USP26: variants seen among roughly 807,000 people sequenced by gnomAD.
USP26 encodes the protein ubiquitin carboxyl-terminal hydrolase 26.
For missense variants in USP26, 649 were observed against 642.3 expected, an observed-to-expected ratio of 1.01 and a Z score of -0.11; for synonymous variants, 236 against 240.6, an observed-to-expected ratio of 0.98 and a Z score of 0.18.
Position 133,026,396 on chromosome X carries a change from C to G in USP26, c.1825G>C (p.Glu609Gln), listed in dbSNP as rs973721967. 2.5e-6 allele frequency: 3 copies of G among 1,206,452 alleles called. No homozygotes were observed. Among genetic ancestry groups the G allele is most frequent in the Admixed American group, 2.2e-5 (1 of 45,172 alleles). The stretch of plus-strand genomic sequence containing the variant: ...AAGACTGTCTGGCCTTTTTTTTGTT[C>G]AGACTCCTTATCTGATCCAATGTGT... ...APHIGSDKES[E>Q]QKKGQTVFKG... The change falls in exon 6 of 6, where the codon GAA becomes CAA. Residue 609 changes from glutamate (E) to glutamine (Q), a missense_variant. Physicochemically the swap from Glu to Gln is conservative, Grantham distance 29. Coordinates refer to ENST00000511190, the MANE Select transcript of USP26 (RefSeq NM_031907.3).
At chrX:133,031,783 G>T (rs748630628) in intron 5 of USP26, among the ~76,000 whole-genome samples, 2 of 111,812 alleles carry the variant, frequency 1.8e-5, no homozygotes, top group South Asian at 7.5e-4. Context: ...TTCTAGCAGG[G>T]GGATAGAAAA....
intron 5 of USP26, among the ~76,000 whole-genome samples, chrX:133,062,954 C>T (rs923636070): frequency 3.6e-5 from 4 of 110,798 alleles, no homozygotes; most frequent in Non-Finnish European, 7.6e-5. Flanking sequence ...TGTGTTCTAA[C>T]CCAATGCAAG....
chrX:133,052,364 G>A (rs1407790882), intron 5 of USP26, among the ~76,000 whole-genome samples: 2 of 112,288 alleles, frequency 1.8e-5, no homozygotes, highest in South Asian at 3.7e-4. Flanking sequence ...TGGCATTTAA[G>A]TGGGTCTCAA....
chrX:133,088,200 A>C (rs1024830730), intron 4 of USP26, among the ~76,000 whole-genome samples: 1 of 110,763 alleles, frequency 9.0e-6, no homozygotes, highest in Non-Finnish European at 1.9e-5. Flanking sequence ...GTAGCCATTG[A>C]CAGAGTAGAC....
At chrX:133,050,619 C>A (rs191274396) in intron 5 of USP26, among the ~76,000 whole-genome samples, 105 of 111,274 alleles carry the variant, frequency 9.4e-4, no homozygotes, top group African/African-American at 3.3e-3. Flanking sequence ...AAAAAAGAAG[C>A]AATAATATTA....
intron 5 of USP26, among the ~76,000 whole-genome samples, chrX:133,079,187 C>A (rs1362974626): frequency 9.0e-6 from 1 of 111,718 alleles, no homozygotes; most frequent in Non-Finnish European, 1.9e-5. Flanking sequence ...GTGCATGCCC[C>A]TCCATCATGC....
At chrX:133,061,671 C>T (rs1452266018) in intron 5 of USP26, among the ~76,000 whole-genome samples, 1 of 111,913 alleles carries the variant, frequency 8.9e-6, no homozygotes. Flanking sequence ...CAGGGTGGGA[C>T]ATCACCTCAC....
intron 5 of USP26, among the ~76,000 whole-genome samples, chrX:133,035,181 G>C (rs1003658959): frequency 8.9e-6 from 1 of 111,993 alleles, no homozygotes; most frequent in Non-Finnish European, 1.9e-5. Context: ...ATGGCAAAAG[G>C]AGGCAAAAGT....
At chrX:133,078,841 A>ACAGGAAGGAACAAATGCAAATAACTG (rs1311470389) in intron 5 of USP26, among the ~76,000 whole-genome samples, 1 of 112,151 alleles carries the variant, frequency 8.9e-6, no homozygotes, top group East Asian at 2.8e-4. Flanking sequence ...TAACTCTTGC[A>ACAGGAAGGAACAAATGCAAATAACTG]CAGGAAGGAA....
In USP26 at chrX:133,027,090, G is replaced by A; in HGVS notation, c.1131C>T (p.Gly377=). The A allele has an allele frequency of 8.3e-7, 1 of 1,210,074 alleles. No individual in the cohort carries two copies. The highest frequency in any genetic ancestry group is 1.1e-6 in the Non-Finnish European group (1 of 894,134). Reference sequence around the variant, plus strand: ...ACTCATGAGCATCGTTCTGTGCATTGCCATGGAATATCTCTGCAGCTGCTG... The same window carrying A: ...ACTCATGAGCATCGTTCTGTGCATTACCATGGAATATCTCTGCAGCTGCTG... ...AISAAAEIFH[G]NAQNDAHEFL... is the part of the protein sequence containing the mutation. The change falls in exon 6 of 6, where the codon GGC becomes GGT. Residue 377 remains glycine (G), a synonymous_variant. Coordinates refer to ENST00000511190, the MANE Select transcript of USP26 (RefSeq NM_031907.3).
At chrX:133,031,206 G>A (rs1172111047) in intron 5 of USP26, among the ~76,000 whole-genome samples, 1 of 112,122 alleles carries the variant, frequency 8.9e-6, no homozygotes, top group African/African-American at 3.2e-5. Context: ...CCATGAGGTG[G>A]TGTGCCAACC....
At chrX:133,057,866 A>ATATATACATATTTT (rs1412413450) in intron 5 of USP26, among the ~76,000 whole-genome samples, 1 of 9,334 alleles carries the variant, frequency 1.1e-4, no homozygotes, top group African/African-American at 6.6e-4. Context: ...ATATATATAT[A>ATATATACATATTTT]TTTTTTTTTT....
intron 5 of USP26, among the ~76,000 whole-genome samples, chrX:133,057,048 C>A (rs1026265556): frequency 1.8e-5 from 2 of 110,999 alleles, no homozygotes; most frequent in African/African-American, 6.6e-5. Context: ...TCAGCAAACT[C>A]CTGATCAATC....
In USP26 at chrX:133,059,844, C is replaced by T. The variant is rs1602980842; in HGVS notation, c.-77+23863G>A. Among the ~76,000 whole-genome samples the T allele has an allele frequency of 2.7e-5, 3 of 111,856 alleles. No individual in the cohort carries two copies. In the South Asian group the frequency reaches 1.1e-3, roughly 42 times the overall value. The stretch of plus-strand genomic sequence containing the variant: ...CCTTAAAATCACTGACAATGATCTC[C>T]AACAGATTGTTACAAAGGAATGAAT... On this transcript the variant is annotated intron_variant, in intron 5 of 5. Transcript: ENST00000511190.
At chrX:133,081,168 G>A (rs956416034) in intron 5 of USP26, among the ~76,000 whole-genome samples, 11 of 110,268 alleles carry the variant, frequency 1.0e-4, no homozygotes, top group Non-Finnish European at 3.8e-5. Context: ...TAATAAATTC[G>A]TAGTTAAAAC....
At chrX:133,084,050 T>C (rs1300348503) in intron 4 of USP26, among the ~76,000 whole-genome samples, 2 of 111,636 alleles carry the variant, frequency 1.8e-5, no homozygotes, top group African/African-American at 3.3e-5. Flanking sequence ...TCTGGCAGTA[T>C]GAGGCTCTCC....
intron 4 of USP26, among the ~76,000 whole-genome samples, chrX:133,085,031 T>A (rs1049571807): frequency 9.0e-6 from 1 of 111,688 alleles, no homozygotes. Context: ...CAGGTCCAAG[T>A]GATTCTCGTG....
chrX:133,064,463 G>A (rs780804027), intron 5 of USP26, among the ~76,000 whole-genome samples: 2 of 111,098 alleles, frequency 1.8e-5, no homozygotes, highest in Admixed American at 9.5e-5. Flanking sequence ...TTCTAAAATC[G>A]ACCACATAAT....
At position 133,026,081 on chromosome X, in the gene USP26, T is replaced by A. The variant is rs376788398; in HGVS notation, c.2140A>T (p.Ile714Phe). The A allele has an allele frequency of 1.7e-6, 2 of 1,207,927 alleles. No homozygotes were observed. The highest frequency in any genetic ancestry group is 3.5e-5 in the African/African-American group (2 of 56,982). The change falls in exon 6 of 6, where the codon ATC becomes TTC. Residue 714 changes from isoleucine (I) to phenylalanine (F), a missense_variant. Physicochemically the swap from Ile to Phe is conservative, Grantham distance 21. Transcript: ENST00000511190. ...TCATACAAATCTTTAGTAGGATTGATAATCCTATCAAAAGCTACAAACTTA... is the reference window on the plus strand; with the variant it reads ...TCATACAAATCTTTAGTAGGATTGAAAATCCTATCAAAAGCTACAAACTTA... ...TSKFVAFDRI[I>F]NPTKDLYEDK...
Sources: allele counts gnomAD v4.1 joint callset (sites outside exome capture counted in the v4.1 genomes callset), GRCh38; gene constraint gnomAD v4.1.1; transcripts MANE v1.5; gene names NCBI Gene and HGNC (gene_info 2026-07-23, HGNC 2026-07-21).